The following FRMPD4 variants were observed in gnomAD, a reference collection of about 807,000 sequenced individuals.
FRMPD4 encodes FERM and PDZ domain-containing protein 4.
Under a neutral mutation model 94.1 loss-of-function variants are expected in FRMPD4, and 22 were observed. The ratio of observed to expected loss-of-function variants is 0.23; its 90% confidence interval spans 0.17 to 0.33. FRMPD4 has a LOEUF of 0.33. Ranked by LOEUF, FRMPD4 falls within the 10% of genes least tolerant of loss-of-function variation. The probability of loss-of-function intolerance (pLI) is 1.00; values close to 1 mark genes in which losing one functional copy is unlikely to be tolerated. For missense variants in FRMPD4, 1,111 were observed against 1,339.9 expected, an observed-to-expected ratio of 0.83 and a Z score of 2.67; for synonymous variants, 631 against 548.6, an observed-to-expected ratio of 1.15 and a Z score of -2.10.
chrX:12,584,679 G>A (rs1454351030), intron 2 of FRMPD4, among the ~76,000 whole-genome samples: 1 of 112,302 alleles, frequency 8.9e-6, no homozygotes, highest in East Asian at 2.8e-4. Context: ...ACAAAAAGAG[G>A]ACTGTTTTAT....
intron 1 of FRMPD4, among the ~76,000 whole-genome samples, chrX:11,847,523 C>T (rs1601801268): frequency 1.8e-5 from 2 of 108,295 alleles, no homozygotes; most frequent in African/African-American, 6.8e-5. Flanking sequence ...CCAGCCATCC[C>T]ATTAGTGGGT....
At chrX:11,955,474 A>G (rs1158493007) in intron 3 of FRMPD4, among the ~76,000 whole-genome samples, 2 of 101,114 alleles carry the variant, frequency 2.0e-5, no homozygotes, top group Non-Finnish European at 3.9e-5. Flanking sequence ...AAAGTTAAAT[A>G]AATAAATAAA....
intron 1 of FRMPD4, among the ~76,000 whole-genome samples, chrX:12,340,778 C>T (rs1430795713): frequency 1.8e-5 from 2 of 111,703 alleles, no homozygotes; most frequent in African/African-American, 6.5e-5. Context: ...CTTTCCTTAC[C>T]TTTGTTAGTT....
intron 1 of FRMPD4, among the ~76,000 whole-genome samples, chrX:12,348,589 GAAAAAAAA>G (rs35385075): frequency 7.6e-5 from 5 of 66,106 alleles, no homozygotes; most frequent in African/African-American, 2.8e-4. Flanking sequence ...ATGCTTCCAG[GAAAAAAAA>G]AAAAAAAAAA....
intron 2 of FRMPD4, among the ~76,000 whole-genome samples, chrX:12,599,249 A>T (rs1325008721): frequency 9.0e-6 from 1 of 111,295 alleles, no homozygotes; most frequent in East Asian, 2.8e-4. Context: ...AACATGATTG[A>T]TAAAGACTTT....
chrX:12,559,598 C>T (rs955609405), intron 2 of FRMPD4, among the ~76,000 whole-genome samples: 7 of 105,317 alleles, frequency 6.6e-5, no homozygotes, highest in Non-Finnish European at 1.2e-4. Flanking sequence ...TGCAGTGAGC[C>T]GAGATAGTGC....
intron 1 of FRMPD4, among the ~76,000 whole-genome samples, chrX:12,399,639 TAAGG>T (rs900753895): frequency 2.7e-5 from 3 of 111,731 alleles, no homozygotes; most frequent in African/African-American, 6.5e-5. Flanking sequence ...ATTAAAATCA[TAAGG>T]AAGGAAAAAT....
At chrX:12,112,299 C>G (rs1469875046) in intron 3 of FRMPD4, among the ~76,000 whole-genome samples, 2 of 111,195 alleles carry the variant, frequency 1.8e-5, no homozygotes, top group Non-Finnish European at 1.9e-5. Context: ...CCATCATTCT[C>G]AGCAAACTAT....
At chrX:12,302,367 C>T (rs5979570) in intron 1 of FRMPD4, among the ~76,000 whole-genome samples, 3 of 110,458 alleles carry the variant, frequency 2.7e-5, no homozygotes, top group Admixed American at 9.6e-5. Flanking sequence ...TTAGATGTTG[C>T]GTAATTTATT....
intron 4 of FRMPD4, among the ~76,000 whole-genome samples, chrX:12,625,831 G>A (rs1411787286): frequency 9.0e-6 from 1 of 111,554 alleles, no homozygotes; most frequent in African/African-American, 3.3e-5. Context: ...TGTTTAAGAT[G>A]ACAGATATCC....
intron 2 of FRMPD4, among the ~76,000 whole-genome samples, chrX:12,517,217 A>G (rs1302756464): frequency 9.0e-6 from 1 of 111,206 alleles, no homozygotes; most frequent in Non-Finnish European, 1.9e-5. Context: ...CAATTCATCC[A>G]TCTCAGCCTC....
chrX:12,586,079 G>T (rs1360752414), intron 2 of FRMPD4, among the ~76,000 whole-genome samples: 1 of 112,700 alleles, frequency 8.9e-6, no homozygotes, highest in East Asian at 2.8e-4. Context: ...AATATGCATT[G>T]TAGAAACAGA....
intron 1 of FRMPD4, among the ~76,000 whole-genome samples, chrX:11,850,933 A>G (rs938492506): frequency 2.7e-5 from 3 of 112,345 alleles, no homozygotes; most frequent in South Asian, 3.7e-4. Flanking sequence ...ACTCTTACAC[A>G]TGGTTAAGAT....
chrX:11,906,115 T>TTTTATGTATTTA (rs531007929), intron 3 of FRMPD4, among the ~76,000 whole-genome samples: 1 of 88,247 alleles, frequency 1.1e-5, no homozygotes, highest in African/African-American at 4.1e-5. Flanking sequence ...TTTCCCTTCA[T>TTTTATGTATTTA]TTTATTTATT....
At chrX:12,334,610 G>GAAA (rs780511138) in intron 1 of FRMPD4, among the ~76,000 whole-genome samples, 2,197 of 97,946 alleles carry the variant, frequency 0.022, 67 homozygotes, top group African/African-American at 0.077. Context: ...CTTCATTGGT[G>GAAA]AAAAAAAAAA....
chrX:11,903,447 C>T (rs983015581), intron 3 of FRMPD4, among the ~76,000 whole-genome samples: 5 of 111,864 alleles, frequency 4.5e-5, no homozygotes, highest in African/African-American at 1.6e-4. Flanking sequence ...AATAATGAGG[C>T]TGATTAATAA....
At chrX:12,553,930 AT>A (rs1042327080) in intron 2 of FRMPD4, among the ~76,000 whole-genome samples, 2 of 111,573 alleles carry the variant, frequency 1.8e-5, no homozygotes, top group African/African-American at 6.5e-5. Context: ...TTATGGTTGT[AT>A]TTTTTCTTGT....
intron 1 of FRMPD4, among the ~76,000 whole-genome samples, chrX:12,431,248 A>G (rs1272411410): frequency 8.9e-6 from 1 of 112,637 alleles, no homozygotes; most frequent in Non-Finnish European, 1.9e-5. Flanking sequence ...AATGCAATGC[A>G]TCCCCTATGA....
At chrX:11,836,878 A>G (rs997787980) in intron 1 of FRMPD4, among the ~76,000 whole-genome samples, 3 of 111,973 alleles carry the variant, frequency 2.7e-5, no homozygotes, top group Non-Finnish European at 5.7e-5. Context: ...CATTATTCTT[A>G]TTAGGTTTTG....
Sources: gnomAD v4.1 joint callset for allele counts (sites outside exome capture counted in the v4.1 genomes callset) on GRCh38, gnomAD v4.1.1 for gene constraint, MANE v1.5 for transcripts, NCBI Gene and HGNC (gene_info 2026-07-23, HGNC 2026-07-21) for gene names.